CC2D2B: variants seen among roughly 807,000 people sequenced by gnomAD.
The protein encoded by CC2D2B is coiled-coil and C2 domain containing 2B, also known as protein CC2D2B.
A neutral mutation model predicts 161.2 loss-of-function variants in CC2D2B; 128 were observed. The ratio of observed to expected loss-of-function variants is 0.79; its 90% CI spans 0.69 to 0.92. The LOEUF (loss-of-function observed/expected upper bound fraction) is 0.92, where lower values mean the gene tolerates loss of function less well. Among genes scored for constraint, CC2D2B ranks in the 40% least tolerant of loss-of-function variants. CC2D2B has a pLI of 0.00. For missense variants in CC2D2B, 1,173 were observed against 1,375.1 expected (o/e 0.85, Z 2.32); for synonymous variants, 391 against 449.8 (o/e 0.87, Z 1.65).
intron 19 of CC2D2B, among the ~76,000 whole-genome samples, chr10:95,986,200 C>T (rs1417413701): frequency 1.3e-5 from 2 of 149,386 alleles, no homozygotes; most frequent in Admixed American, 6.7e-5. Flanking sequence ...TTTTACGGCT[C>T]GGGGGGCATC....
chr10:96,029,139 A>G (rs1590952264), intron 34 of CC2D2B, among the ~76,000 whole-genome samples: 3 of 150,850 alleles, frequency 2.0e-5, no homozygotes, highest in Non-Finnish European at 4.4e-5. Flanking sequence ...TGTTTATAAC[A>G]CAAAGGATAA....
chr10:96,012,464 T>C, intron 27 of CC2D2B, 68 bp from the exon 28 acceptor site: 1 of 1,149,104 alleles, frequency 8.7e-7, no homozygotes, highest in Non-Finnish European at 1.3e-6. Context: ...AAAATAAACA[T>C]TGGTTCTTGA....
rs188744706 is a variant in CC2D2B, at chr10:96,000,217, C to A, written c.2850-3935C>A. The A allele has an allele frequency of 2.0e-3, 2,657 of 1,300,100 alleles. 7 individuals are homozygous for A. Among genetic ancestry groups the A allele is most frequent in the Middle Eastern group, 4.0e-3 (13 of 3,224 alleles). The allele number at this position is 1,300,100 out of a possible 1,614,324, so 80.5% of individuals were successfully genotyped here. On this transcript the variant is annotated intron_variant, in intron 24 of 34. Transcript: ENST00000646931. ...AGGCCTAGAGAACATACATCAGGTGCCTTTCTTCTTTTCCTTTGCGTTCAT... is the reference window on the plus strand; with the variant it reads ...AGGCCTAGAGAACATACATCAGGTGACTTTCTTCTTTTCCTTTGCGTTCAT...
chr10:95,981,398 C>CAA (rs35175559), intron 17 of CC2D2B, among the ~76,000 whole-genome samples: 199 of 87,896 alleles, frequency 2.3e-3, no homozygotes, highest in East Asian at 3.8e-3. Context: ...GACTCCGTCT[C>CAA]AAAAAAAAAA....
chr10:96,010,029 C>G, intron 26 of CC2D2B, 106 bp downstream of exon 26: 1 of 678,918 alleles, frequency 1.5e-6, no homozygotes, highest in Non-Finnish European at 2.6e-6. Flanking sequence ...GCTGGTAGGT[C>G]AGTTAAGATG....
At chr10:95,917,178 C>G (rs1447140540) in intron 2 of CC2D2B, among the ~76,000 whole-genome samples, 3 of 152,106 alleles carry the variant, frequency 2.0e-5, no homozygotes, top group African/African-American at 7.2e-5. Flanking sequence ...TTTATTTTAT[C>G]TGATATAATT....
chr10:95,982,159 A>T, intron 18 of CC2D2B, 46 bp downstream of exon 18: 8 of 1,155,362 alleles, frequency 6.9e-6, no homozygotes, highest in Non-Finnish European at 8.7e-6. Context: ...TCTATTTCCT[A>T]AGCTCTACTT....
chr10:96,021,693 G>A (rs2079468858), intron 32 of CC2D2B: 1 of 152,204 alleles, frequency 6.6e-6, no homozygotes, highest in South Asian at 2.1e-4. Flanking sequence ...ACATAGATAT[G>A]TGGTGATGTA....
In CC2D2B at chr10:95,974,108, G is replaced by A; in HGVS notation, c.1895G>A (p.Gly632Asp). The A allele has an allele frequency of 4.9e-6, 6 of 1,230,452 alleles. No individual in the cohort carries two copies. Among genetic ancestry groups the A allele is most frequent in the Non-Finnish European group, 6.1e-6 (6 of 986,490 alleles). 76.2% of individuals were successfully genotyped at this position (1,230,452 alleles called of 1,614,324 possible). A position where few individuals can be genotyped will look rare whatever the true frequency, so the allele number is the denominator to read the frequency against. The change falls in exon 17 of 35, where the codon GGT becomes GAT. Residue 632 changes from glycine to aspartate, a missense_variant. This residue lies in a region of CC2D2B where 277 missense variants were observed against 420.6 expected (regional missense o/e 0.66). Transcript: ENST00000646931. ...CTATCATGGAGCTTAGATGAAAATG[G>A]TCTTCCTCTGATACCTATGCCACAA... is the stretch of plus-strand genomic sequence containing the variant. ...YSLSWSLDENGLPLIPMPQSL... is the reference protein window; with the variant it reads ...YSLSWSLDENDLPLIPMPQSL...
chr10:96,001,663 G>A (rs184008956), intron 24 of CC2D2B, among the ~76,000 whole-genome samples: 77 of 152,270 alleles, frequency 5.1e-4, no homozygotes, highest in African/African-American at 1.4e-3. Flanking sequence ...TCAAATTAGG[G>A]GTAGGGGAAC....
At position 95,949,931 on chromosome 10, in the gene CC2D2B, C is replaced by T. The variant is rs2076345572; in HGVS notation, c.837C>T (p.Asn279=). 1 of 398,626 alleles carries T rather than the reference C, an allele frequency of 2.5e-6. No individual in the cohort carries two copies. The allele number at this position is 398,626 out of a possible 1,614,324, so 24.7% of individuals were successfully genotyped here. A position where few individuals can be genotyped will look rare whatever the true frequency, so the allele number is the denominator to read the frequency against. ...ATGACCTGGGAAGTTCATTTATGAA[C>T]AAAATGGAAGGTTCAAGGGAAATAT... ...VKYDLGSSFM[N]KMEGSREIYQ... is the part of the protein sequence containing the mutation. The change falls in exon 10 of 35, where the codon AAC becomes AAT. Residue 279 remains asparagine (N), a synonymous_variant. Coordinates refer to ENST00000646931, the MANE Select transcript of CC2D2B (RefSeq NM_001349008.3).
At chr10:95,917,258 T>C (rs1323762497) in intron 2 of CC2D2B, among the ~76,000 whole-genome samples, 1 of 152,188 alleles carries the variant, frequency 6.6e-6, no homozygotes, top group African/African-American at 2.4e-5. Flanking sequence ...TCAGTGTTTA[T>C]GTGTTTTTAT....
At chr10:95,915,249 A>G (rs1201881896) in intron 2 of CC2D2B, among the ~76,000 whole-genome samples, 1 of 152,176 alleles carries the variant, frequency 6.6e-6, no homozygotes, top group Non-Finnish European at 1.5e-5. Flanking sequence ...TGACTTTTGT[A>G]TATCAATTTT....
At chr10:96,031,776 C>T in intron 34 of CC2D2B, 44 bp from the exon 35 acceptor site, 4 of 1,474,806 alleles carry the variant, frequency 2.7e-6, no homozygotes, top group Non-Finnish European at 2.8e-6. Flanking sequence ...TCCAGATTAC[C>T]CAGTTGTAAT....
At chr10:95,923,523 A>G (rs2098532145) in intron 3 of CC2D2B, among the ~76,000 whole-genome samples, 1 of 152,218 alleles carries the variant, frequency 6.6e-6, no homozygotes, top group Non-Finnish European at 1.5e-5. Context: ...TTTTCAGTTT[A>G]ATAAAATTCA....
chr10:95,956,059 A>G (rs1395357219), intron 11 of CC2D2B, among the ~76,000 whole-genome samples: 1 of 152,220 alleles, frequency 6.6e-6, no homozygotes, highest in Non-Finnish European at 1.5e-5. Context: ...GACAGCCTTC[A>G]TTCAGACTTC....
At chr10:95,991,498 C>T in intron 21 of CC2D2B, 37 bp downstream of exon 21, 1 of 600,522 alleles carries the variant, frequency 1.7e-6, no homozygotes, top group Middle Eastern at 3.6e-4. Flanking sequence ...AAATATAAAC[C>T]TTTAAGATAA....
intron 9 of CC2D2B, among the ~76,000 whole-genome samples, chr10:95,943,430 T>C (rs1411188026): frequency 1.3e-5 from 2 of 152,202 alleles, no homozygotes; most frequent in African/African-American, 4.8e-5. Context: ...CCGTGGATTT[T>C]TGGTTTTGCT....
At chr10:96,019,681 G>A (rs2079369461) in intron 31 of CC2D2B, 21 bp from the exon 32 acceptor site, 3 of 1,556,424 alleles carry the variant, frequency 1.9e-6, no homozygotes, top group African/African-American at 1.4e-5. Flanking sequence ...CTACACTAAT[G>A]TTATATTAAT....
Sources: allele counts gnomAD v4.1 joint callset (sites outside exome capture counted in the v4.1 genomes callset), GRCh38; gene constraint gnomAD v4.1.1; regional missense constraint gnomAD v4.1.1; transcripts MANE v1.5; gene names NCBI Gene and HGNC (gene_info 2026-07-23, HGNC 2026-07-21).